FAM210A: variants seen among roughly 807,000 people sequenced by gnomAD.
The protein encoded by FAM210A is mitochondrial inner membrane scaffold 1.
FAM210A carries 13 observed loss-of-function variants against 25.3 expected under a neutral mutation model. The observed-to-expected ratio is 0.51, with a 90% CI of 0.33 to 0.82. The LOEUF is 0.82. Ranked by LOEUF, FAM210A falls within the 40% of genes least tolerant of loss-of-function variation. The pLI, the probability that FAM210A is intolerant of heterozygous loss-of-function variation, is 0.02. For synonymous variants in FAM210A, 125 were observed against 118.7 expected (o/e 1.05, Z -0.35); for missense variants, 319 against 323.2 (o/e 0.99, Z 0.10).
rs762179618 is a variant in FAM210A, at chr18:13,682,084, G to A, written c.-7C>T. 6.5e-5 allele frequency: 101 copies of A among 1,564,736 alleles called. 1 individual carries two copies. In the South Asian group the frequency reaches 6.6e-4, roughly 10 times the overall value. ...GTGGTACATTCCATTGCATTTTGAA[G>A]AGTGTTGATAGGTTTCAGCTTCTAC... On this transcript the variant is annotated 5_prime_UTR_variant, in exon 2 of 4. Coordinates refer to ENST00000651643, the MANE Select transcript of FAM210A (RefSeq NM_152352.4).
chr18:13,672,540 C>G (rs2043452422), intron 2 of FAM210A, among the ~76,000 whole-genome samples: 1 of 152,254 alleles, frequency 6.6e-6, no homozygotes, highest in Non-Finnish European at 1.5e-5. Context: ...TCCTGAGTAG[C>G]TGGGATTACA....
At chr18:13,693,168 G>T (rs1414996912) in intron 1 of FAM210A, among the ~76,000 whole-genome samples, 2 of 152,052 alleles carry the variant, frequency 1.3e-5, no homozygotes, top group African/African-American at 2.4e-5. Context: ...TAAATTCCTC[G>T]ACACATACAC....
intron 1 of FAM210A, among the ~76,000 whole-genome samples, chr18:13,688,740 GA>G (rs1311399380): frequency 6.6e-6 from 1 of 152,234 alleles, no homozygotes; most frequent in African/African-American, 2.4e-5. Flanking sequence ...GTAGATGGCG[GA>G]GCTAAGGCAG....
At chr18:13,681,566 G>T in intron 2 of FAM210A, 39 bp downstream of exon 2, 1 of 1,455,738 alleles carries the variant, frequency 6.9e-7, no homozygotes, top group Non-Finnish European at 9.3e-7. Context: ...TAATATTCTG[G>T]TAAGACAGGG....
At chr18:13,702,058 C>A (rs1170688216) in intron 1 of FAM210A, among the ~76,000 whole-genome samples, 54 of 152,190 alleles carry the variant, frequency 3.5e-4, no homozygotes, top group Admixed American at 3.5e-3. Flanking sequence ...TTCCACAAAA[C>A]AGAAAAAGAT....
At chr18:13,726,157 G>C (rs1380667181) in intron 1 of FAM210A, among the ~76,000 whole-genome samples, 172 bp downstream of exon 1, 1 of 152,046 alleles carries the variant, frequency 6.6e-6, no homozygotes, top group Non-Finnish European at 1.5e-5. Context: ...CTGTGGGGTC[G>C]GCGAGTGTGG....
chr18:13,706,094 G>T (rs2043775979), intron 1 of FAM210A, among the ~76,000 whole-genome samples: 1 of 152,098 alleles, frequency 6.6e-6, no homozygotes, highest in Non-Finnish European at 1.5e-5. Context: ...TATCCATACT[G>T]CAGCAAAACT....
At chr18:13,703,348 C>A (rs2043755617) in intron 1 of FAM210A, among the ~76,000 whole-genome samples, 2 of 152,176 alleles carry the variant, frequency 1.3e-5, no homozygotes, top group Admixed American at 1.3e-4. Context: ...ATGTCCCCAA[C>A]CCCACTGAAA....
chr18:13,676,684 CT>C (rs1232205727), intron 2 of FAM210A, among the ~76,000 whole-genome samples: 3 of 152,170 alleles, frequency 2.0e-5, no homozygotes, highest in Non-Finnish European at 4.4e-5. Context: ...CCAGTATGTC[CT>C]TTATGGCTAT....
intron 1 of FAM210A, among the ~76,000 whole-genome samples, chr18:13,716,028 A>G (rs889493846): frequency 1.3e-4 from 20 of 152,200 alleles, no homozygotes; most frequent in Admixed American, 1.3e-4. Flanking sequence ...TGCCTACTCA[A>G]CACCCGAAGT....
intron 1 of FAM210A, chr18:13,687,985 T>C (rs1056290633): frequency 1.3e-5 from 2 of 152,262 alleles, no homozygotes; most frequent in Middle Eastern, 3.4e-3. Flanking sequence ...ATACCCCATC[T>C]CATTAACCTC....
At chr18:13,674,278 G>T (rs1402643628) in intron 2 of FAM210A, among the ~76,000 whole-genome samples, 3 of 18,776 alleles carry the variant, frequency 1.6e-4, no homozygotes, top group African/African-American at 3.3e-4. Context: ...CTAGCTTCTT[G>T]ATTTCCAGTT....
At chr18:13,678,588 C>T (rs1184382942) in intron 2 of FAM210A, among the ~76,000 whole-genome samples, 1 of 152,220 alleles carries the variant, frequency 6.6e-6, no homozygotes, top group Non-Finnish European at 1.5e-5. Flanking sequence ...CTGTGCCCGG[C>T]CCCACTTATT....
intron 2 of FAM210A, among the ~76,000 whole-genome samples, chr18:13,681,336 C>T (rs2043551509): frequency 6.6e-6 from 1 of 152,188 alleles, no homozygotes; most frequent in Non-Finnish European, 1.5e-5. Context: ...AATCTGTTTT[C>T]TCATTCATAA....
intron 1 of FAM210A, among the ~76,000 whole-genome samples, chr18:13,708,289 T>G (rs1601964486): frequency 6.6e-6 from 1 of 152,000 alleles, no homozygotes; most frequent in Non-Finnish European, 1.5e-5. Context: ...ATTAGGGGGG[T>G]GTCTGGATGT....
At chr18:13,723,135 C>G (rs2043910360) in intron 1 of FAM210A, among the ~76,000 whole-genome samples, 1 of 152,174 alleles carries the variant, frequency 6.6e-6, no homozygotes, top group African/African-American at 2.4e-5. Flanking sequence ...TAATAGTGAT[C>G]TTTTGCATAT....
At chr18:13,682,472 G>A (rs541894214) in intron 1 of FAM210A, among the ~76,000 whole-genome samples, 25 of 152,266 alleles carry the variant, frequency 1.6e-4, no homozygotes, top group African/African-American at 4.6e-4. Flanking sequence ...GGAGGCTGAG[G>A]CAGAAGAATC....
intron 1 of FAM210A, among the ~76,000 whole-genome samples, chr18:13,691,777 A>G (rs12961742): frequency 0.92 from 108,371 of 118,322 alleles, 49,830 homozygotes; most frequent in East Asian, 0.97. Flanking sequence ...AGGAACAACC[A>G]GTACCAGCCA....
chr18:13,691,070 T>A (rs1458870001), intron 1 of FAM210A, among the ~76,000 whole-genome samples: 4 of 152,172 alleles, frequency 2.6e-5, no homozygotes, highest in Non-Finnish European at 5.9e-5. Flanking sequence ...AATGACCCGA[T>A]GGAGCTGAAA....
Sources: allele counts gnomAD v4.1 joint callset (sites outside exome capture counted in the v4.1 genomes callset), GRCh38; gene constraint gnomAD v4.1.1; transcripts MANE v1.5; gene names NCBI Gene and HGNC (gene_info 2026-07-23, HGNC 2026-07-21).